PTPRD: variants seen among roughly 807,000 people sequenced by gnomAD.
The protein encoded by PTPRD is protein tyrosine phosphatase receptor type D.
A neutral mutation model predicts 214.5 loss-of-function variants in PTPRD; 34 were observed. That is an observed-to-expected ratio of 0.16 (90% CI 0.12 to 0.21). The LOEUF (loss-of-function observed/expected upper bound fraction) is 0.21, where lower values mean the gene tolerates loss of function less well. PTPRD is among the 10% of genes least tolerant of loss of function. The pLI is 1.00. For missense variants in PTPRD, 2,545 were observed against 2,398.7 expected (o/e 1.06, Z -1.27); for synonymous variants, 1,128 against 845.7 (o/e 1.33, Z -5.79).
intron 5 of PTPRD, among the ~76,000 whole-genome samples, chr9:9,933,261 C>T (rs1428941035): frequency 6.6e-6 from 1 of 152,198 alleles, no homozygotes; most frequent in Non-Finnish European, 1.5e-5. Flanking sequence ...GTACATGCTC[C>T]AATTAAAAGA....
chr9:8,560,153 A>C (rs2085588440), intron 14 of PTPRD, among the ~76,000 whole-genome samples: 1 of 152,178 alleles, frequency 6.6e-6, no homozygotes, highest in Non-Finnish European at 1.5e-5. Flanking sequence ...CTTAAAAGTA[A>C]TCATTCTGCT....
intron 34 of PTPRD, among the ~76,000 whole-genome samples, chr9:8,439,742 A>C (rs1221168279): frequency 1.3e-5 from 2 of 151,996 alleles, no homozygotes; most frequent in Non-Finnish European, 2.9e-5. Flanking sequence ...CCAATATTGA[A>C]AAAAAATGTT....
intron 3 of PTPRD, among the ~76,000 whole-genome samples, chr9:10,131,429 C>G (rs540912073): frequency 6.6e-6 from 1 of 152,072 alleles, no homozygotes. Context: ...AAGTGCTTAA[C>G]AAATATTGTT....
intron 30 of PTPRD, among the ~76,000 whole-genome samples, chr9:8,479,989 A>G (rs10815883): frequency 0.19 from 28,685 of 151,998 alleles, 2,879 homozygotes; most frequent in East Asian, 0.27. Context: ...CTAAAACTTG[A>G]TATTTATGTT....
At chr9:9,817,906 C>T (rs2049301642) in intron 5 of PTPRD, among the ~76,000 whole-genome samples, 1 of 152,164 alleles carries the variant, frequency 6.6e-6, no homozygotes, top group Non-Finnish European at 1.5e-5. Context: ...GATCAATGTA[C>T]AGGATACTCC....
At chr9:8,927,778 G>A (rs1300652517) in intron 11 of PTPRD, among the ~76,000 whole-genome samples, 3 of 152,126 alleles carry the variant, frequency 2.0e-5, no homozygotes, top group African/African-American at 7.2e-5. Flanking sequence ...TTGAGGAATT[G>A]CCACACTGAC....
intron 11 of PTPRD, among the ~76,000 whole-genome samples, chr9:8,844,415 T>C (rs919490375): frequency 8.5e-5 from 13 of 152,352 alleles, no homozygotes; most frequent in Non-Finnish European, 1.8e-4. Flanking sequence ...TACATTCCTT[T>C]TACTAAGCAT....
chr9:9,802,528 T>C (rs376530815), intron 5 of PTPRD, among the ~76,000 whole-genome samples: 1 of 151,966 alleles, frequency 6.6e-6, no homozygotes, highest in East Asian at 1.9e-4. Flanking sequence ...CTCCACTTTA[T>C]ACATCTCTGG....
Position 9,304,047 on chromosome 9 carries a change from T to C in PTPRD, c.-203+93402A>G, listed in dbSNP as rs548638159. Among the ~76,000 whole-genome samples, 4 of 152,310 alleles carry C rather than the reference T, an allele frequency of 2.6e-5. No homozygotes were observed. In the East Asian group the frequency reaches 7.7e-4, roughly 29 times the overall value. ...TTCCAACTCTTTTAGCTATTGCTACTAATTTTTACCTTCATGTTCTAAAAT... is the reference window on the plus strand; with the variant it reads ...TTCCAACTCTTTTAGCTATTGCTACCAATTTTTACCTTCATGTTCTAAAAT... On this transcript the variant is annotated intron_variant, in intron 9 of 45. Coordinates refer to ENST00000381196, the MANE Select transcript of PTPRD (RefSeq NM_002839.4).
chr9:9,407,390 T>C (rs1203074852), intron 8 of PTPRD, among the ~76,000 whole-genome samples: 1 of 151,792 alleles, frequency 6.6e-6, no homozygotes, highest in Non-Finnish European at 1.5e-5. Flanking sequence ...AATGGTTCTA[T>C]AAACATATTT....
At chr9:10,121,938 C>A (rs1290401847) in intron 3 of PTPRD, among the ~76,000 whole-genome samples, 1 of 152,144 alleles carries the variant, frequency 6.6e-6, no homozygotes, top group African/African-American at 2.4e-5. Context: ...ACTCATGTTA[C>A]AAAATCTCAA....
intron 10 of PTPRD, among the ~76,000 whole-genome samples, chr9:9,021,468 C>G (rs2099569327): frequency 6.6e-6 from 1 of 152,060 alleles, no homozygotes; most frequent in South Asian, 2.1e-4. Flanking sequence ...ACTTGATAAT[C>G]AATGACTATG....
intron 8 of PTPRD, among the ~76,000 whole-genome samples, chr9:9,454,382 T>C (rs751188560): frequency 1.4e-3 from 213 of 151,890 alleles, no homozygotes; most frequent in Middle Eastern, 3.4e-3. Flanking sequence ...GAGTTGGCTC[T>C]AGCATATCAC....
intron 8 of PTPRD, among the ~76,000 whole-genome samples, chr9:9,504,984 A>G (rs890818794): frequency 1.3e-5 from 2 of 151,668 alleles, no homozygotes; most frequent in African/African-American, 4.8e-5. Context: ...GTCTTTGTTG[A>G]CAGACTAGCT....
chr9:9,906,711 G>C (rs1001772662), intron 5 of PTPRD, among the ~76,000 whole-genome samples: 2 of 151,850 alleles, frequency 1.3e-5, no homozygotes, highest in African/African-American at 4.8e-5. Context: ...TCATAGGAAA[G>C]GAAAAACTCA....
intron 5 of PTPRD, among the ~76,000 whole-genome samples, chr9:9,856,391 T>G (rs2061561729): frequency 6.6e-6 from 1 of 152,146 alleles, no homozygotes; most frequent in African/African-American, 2.4e-5. Flanking sequence ...GGGTAGGGCT[T>G]CACCAGGGAC....
At chr9:10,518,507 G>C (rs187299331) in intron 2 of PTPRD, among the ~76,000 whole-genome samples, 1 of 151,996 alleles carries the variant, frequency 6.6e-6, no homozygotes, top group East Asian at 1.9e-4. Context: ...CTTGGTCAAG[G>C]TTAAAATTTA....
chr9:9,922,357 G>A (rs762431169), intron 5 of PTPRD, among the ~76,000 whole-genome samples: 10 of 152,048 alleles, frequency 6.6e-5, no homozygotes, highest in Non-Finnish European at 1.3e-4. Context: ...TTTGATCAGA[G>A]CTATTATTGG....
chr9:8,510,438 G>A (rs1037082870), intron 21 of PTPRD, among the ~76,000 whole-genome samples: 4 of 152,306 alleles, frequency 2.6e-5, no homozygotes, highest in Admixed American at 6.5e-5. Flanking sequence ...AAGAGGGACC[G>A]CAGGCCATGC....
Sources: allele counts gnomAD v4.1 joint callset (sites outside exome capture counted in the v4.1 genomes callset), GRCh38; gene constraint gnomAD v4.1.1; transcripts MANE v1.5; gene names NCBI Gene and HGNC (gene_info 2026-07-23, HGNC 2026-07-21).